Variants in TANC2 observed in about 807,000 individuals in gnomAD.
TANC2 encodes tetratricopeptide repeat, ankyrin repeat and coiled-coil containing 2.
TANC2 carries 26 observed loss-of-function variants against 210.5 expected under a neutral mutation model. The ratio of observed to expected loss-of-function variants is 0.12; its 90% CI spans 0.09 to 0.17. The LOEUF is 0.17. TANC2 is among the 10% of genes least tolerant of loss of function. TANC2 has a pLI of 1.00. For missense variants in TANC2, 2,129 were observed against 2,608.9 expected (o/e 0.82, Z 4.01); for synonymous variants, 931 against 967.1 (o/e 0.96, Z 0.69).
At chr17:63,416,416 C>T (rs1229883586) in intron 26 of TANC2, among the ~76,000 whole-genome samples, 2 of 152,190 alleles carry the variant, frequency 1.3e-5, no homozygotes, top group Admixed American at 6.5e-5. Flanking sequence ...CTCACAGTTC[C>T]TCAGGAGATA....
intron 2 of TANC2, among the ~76,000 whole-genome samples, chr17:63,033,209 T>C (rs1221406742): frequency 6.6e-6 from 1 of 152,142 alleles, no homozygotes; most frequent in African/African-American, 2.4e-5. Flanking sequence ...CTTCATTATG[T>C]AGGCATGATT....
intron 7 of TANC2, among the ~76,000 whole-genome samples, chr17:63,223,431 A>T (rs989987875): frequency 2.0e-5 from 3 of 152,142 alleles, no homozygotes; most frequent in Admixed American, 1.3e-4. Flanking sequence ...GAGTACAGCA[A>T]AGTGGCTGCT....
At chr17:63,387,113 G>A (rs2047808260) in intron 15 of TANC2, among the ~76,000 whole-genome samples, 1 of 152,020 alleles carries the variant, frequency 6.6e-6, no homozygotes, top group African/African-American at 2.4e-5. Context: ...ACCTCCCAAA[G>A]TGCTGGGATT....
At chr17:63,194,018 C>G (rs1420055688) in exon 6 of TANC2, 1 of 1,613,148 alleles carries the variant, frequency 6.2e-7, no homozygotes, top group Non-Finnish European at 8.5e-7. Flanking sequence ...CTTGGCCCCC[C>G]TCCATCTGTA....
In TANC2 at chr17:63,307,400, G is replaced by A. The variant is rs573202295; in HGVS notation, c.1160-6988G>A. On this transcript the variant is annotated intron_variant, in intron 9 of 27. Transcript: ENST00000689528. ...CTGCTGCCCTTTCCTATGTTAGCAG[G>A]TGCTTATATCAATTCATGTAAGTTT... Among the ~76,000 whole-genome samples the A allele has an allele frequency of 4.6e-5, 7 of 152,164 alleles. No individual in the cohort carries two copies. The East Asian group carries it at 5.8e-4, about 13-fold the overall frequency.
chr17:63,348,016 C>CCT (rs1279510887), intron 12 of TANC2, among the ~76,000 whole-genome samples: 1 of 152,192 alleles, frequency 6.6e-6, no homozygotes, highest in African/African-American at 2.4e-5. Flanking sequence ...AGTCCTCCCA[C>CCT]CTCAGCCTCC....
intron 8 of TANC2, among the ~76,000 whole-genome samples, chr17:63,248,440 C>T (rs2042973583): frequency 6.6e-6 from 1 of 152,122 alleles, no homozygotes; most frequent in Non-Finnish European, 1.5e-5. Context: ...TTTTAAACTT[C>T]TCATCTTTTT....
In TANC2 at chr17:63,420,797, A is replaced by G; in HGVS notation, c.5067A>G (p.Leu1689=). ...CAGTTCCCCAGCAAGGGCTCAGGCT[A>G]CAGCCTGCCAAGGCCCAGATTGTGA... The change falls in exon 28 of 28, where the codon CTA becomes CTG. Residue 1689 remains leucine, a synonymous_variant. Coordinates refer to ENST00000689528, the Ensembl canonical transcript of TANC2. This position sits in a 1 kb window ranked among gnomAD's most constrained non-coding sequence, Gnocchi z 4.2. 1 of 1,614,004 alleles carries G rather than the reference A, an allele frequency of 6.2e-7. No individual in the cohort carries two copies. Among genetic ancestry groups the G allele is most frequent in the Non-Finnish European group, 8.5e-7 (1 of 1,179,866 alleles).
intron 15 of TANC2, among the ~76,000 whole-genome samples, chr17:63,380,778 T>G (rs1454341735): frequency 6.6e-6 from 1 of 152,198 alleles, no homozygotes; most frequent in African/African-American, 2.4e-5. Flanking sequence ...CCTAGCAAAT[T>G]CTTCCCAATA....
intron 1 of TANC2, among the ~76,000 whole-genome samples, chr17:62,978,190 A>C (rs1352083543): frequency 6.6e-6 from 1 of 152,240 alleles, no homozygotes; most frequent in African/African-American, 2.4e-5. Context: ...AGTATTAGCA[A>C]AATAAATCTA....
chr17:63,387,405 T>G (rs975648052), intron 15 of TANC2, among the ~76,000 whole-genome samples: 1 of 152,022 alleles, frequency 6.6e-6, no homozygotes. Flanking sequence ...TGACTAGAGG[T>G]CTTGTTAGAT....
At chr17:63,385,667 T>C (rs2047755986) in intron 15 of TANC2, among the ~76,000 whole-genome samples, 1 of 152,196 alleles carries the variant, frequency 6.6e-6, no homozygotes, top group South Asian at 2.1e-4. Flanking sequence ...TACCCACCTT[T>C]CCTACTGTTT....
At chr17:63,279,138 A>G (rs2043984143) in intron 9 of TANC2, among the ~76,000 whole-genome samples, 1 of 152,134 alleles carries the variant, frequency 6.6e-6, no homozygotes, top group Non-Finnish European at 1.5e-5. Flanking sequence ...GGAGTAGGCA[A>G]CAGATGGCAC....
intron 4 of TANC2, among the ~76,000 whole-genome samples, chr17:63,112,172 T>C (rs536131663): frequency 1.0e-3 from 153 of 152,306 alleles, no homozygotes; most frequent in Non-Finnish European, 1.7e-3. Flanking sequence ...TTCCTTTTAG[T>C]GCTGTGACCA....
chr17:63,231,588 C>T (rs376601935), intron 7 of TANC2, among the ~76,000 whole-genome samples: 1 of 152,066 alleles, frequency 6.6e-6, no homozygotes, highest in Non-Finnish European at 1.5e-5. Context: ...ATATTGGTCC[C>T]GAATCTCTTT....
At chr17:63,069,174 ATAAT>A (rs1300265237) in intron 2 of TANC2, among the ~76,000 whole-genome samples, 1 of 152,176 alleles carries the variant, frequency 6.6e-6, no homozygotes. Flanking sequence ...TTACAATAAG[ATAAT>A]TAACTTATTT....
chr17:63,235,121 G>C (rs1454276059), intron 7 of TANC2, among the ~76,000 whole-genome samples: 1 of 151,900 alleles, frequency 6.6e-6, no homozygotes, highest in African/African-American at 2.4e-5. Context: ...TAGGCCCCTG[G>C]AGTTACTTTT....
rs1330044701 is a variant in TANC2 at position 63,220,788 on chromosome 17, A to ATATATGTATATATACGTG, written c.770-16994_770-16977dup. On this transcript the variant is annotated intron_variant, in intron 7 of 27. Transcript: ENST00000689528. Reference sequence around the variant, plus strand: ...TATGTGTATATATACATGTATGTGTATATATGTATATATACGTGTATATGT... The same window carrying ATATATGTATATATACGTG: ...TATGTGTATATATACATGTATGTGTATATATGTATATATACGTGTATATGTATATATACGTGTATATGT... 2.4e-3 allele frequency among the ~76,000 whole-genome samples: 349 copies of ATATATGTATATATACGTG among 147,890 alleles called. 11 individuals carry two copies. In the South Asian group the frequency reaches 0.054, roughly 23 times the overall value.
At chr17:63,312,068 AAG>A (rs2045144012) in intron 9 of TANC2, among the ~76,000 whole-genome samples, 1 of 152,312 alleles carries the variant, frequency 6.6e-6, no homozygotes, top group East Asian at 1.9e-4. Flanking sequence ...TATATTTTAA[AAG>A]AGTGAATTTT....
Sources: allele counts gnomAD v4.1 joint callset (sites outside exome capture counted in the v4.1 genomes callset), GRCh38; gene constraint gnomAD v4.1.1; non-coding constraint Gnocchi (gnomAD v3.1); transcripts MANE v1.5; gene names NCBI Gene and HGNC (gene_info 2026-07-23, HGNC 2026-07-21).